PHLDB2: variants seen among roughly 807,000 people sequenced by gnomAD.
The protein encoded by PHLDB2 is pleckstrin homology-like domain family B member 2.
A neutral mutation model predicts 123.6 loss-of-function variants in PHLDB2; 71 were observed. That is an observed-to-expected ratio of 0.57 (90% confidence interval 0.47 to 0.70). The LOEUF (loss-of-function observed/expected upper bound fraction) is 0.70, where lower values mean the gene tolerates loss of function less well. Among genes scored for constraint, PHLDB2 ranks in the 30% least tolerant of loss-of-function variants. The pLI is 0.00. For missense variants in PHLDB2, 1,446 were observed against 1,519.5 expected, an observed-to-expected ratio of 0.95 and a Z score of 0.80; for synonymous variants, 547 against 541.6, an observed-to-expected ratio of 1.01 and a Z score of -0.14.
intron 2 of PHLDB2, among the ~76,000 whole-genome samples, chr3:111,903,135 C>A (rs551372173): frequency 6.6e-6 from 1 of 152,124 alleles, no homozygotes; most frequent in South Asian, 2.1e-4. Context: ...ATGAGTAAGG[C>A]AGGATATGAG....
At chr3:111,914,516 A>G (rs1447606694) in intron 3 of PHLDB2, 1 of 152,188 alleles carries the variant, frequency 6.6e-6, no homozygotes, top group Admixed American at 6.5e-5. Context: ...CCAAATTGAT[A>G]GAAGTTTAAT....
At chr3:111,864,533 T>A (rs1038237801) in intron 1 of PHLDB2, among the ~76,000 whole-genome samples, 1 of 152,218 alleles carries the variant, frequency 6.6e-6, no homozygotes, top group African/African-American at 2.4e-5. Context: ...GAAAAGGAGC[T>A]TTGTGCTGTA....
In PHLDB2 at chr3:111,919,079, A is replaced by C; in HGVS notation, c.1727A>C (p.Glu576Ala). The change falls in exon 4 of 18, where the codon GAG becomes GCG. Residue 576 changes from glutamate to alanine, a missense_variant. By Grantham distance (107) the Glu-to-Ala change is moderately radical. This residue lies in a region of PHLDB2 where 832 missense variants were observed against 831.9 expected (regional missense o/e 1.00). Transcript: ENST00000431670. ...SYLSILPKTP[E>A]GISEEQRSQE... is the part of the protein sequence containing the mutation. ...TGTGTTGATTAATCGCAGACCCCAGAGGGTATAAGTGAAGAACAGAGATCT... is the reference window on the plus strand; with the variant it reads ...TGTGTTGATTAATCGCAGACCCCAGCGGGTATAAGTGAAGAACAGAGATCT... 2 of 1,613,948 alleles carry C rather than the reference A, an allele frequency of 1.2e-6. No individual in the cohort carries two copies. Among genetic ancestry groups the C allele is most frequent in the Non-Finnish European group, 1.7e-6 (2 of 1,179,772 alleles).
At chr3:111,807,496 T>C (rs1400421811) in intron 1 of PHLDB2, among the ~76,000 whole-genome samples, 3 of 152,122 alleles carry the variant, frequency 2.0e-5, no homozygotes, top group East Asian at 3.9e-4. Context: ...GTTGGGAGGA[T>C]TGCTTGGGGC....
intron 1 of PHLDB2, among the ~76,000 whole-genome samples, chr3:111,834,157 ATTATATATG>A (rs1413357653): frequency 0.011 from 822 of 75,284 alleles, no homozygotes; most frequent in South Asian, 0.013. Context: ...AATTATATAT[ATTATATATG>A]TAATAGAATT....
chr3:111,734,982 G>A (rs1005274159), intron 1 of PHLDB2, among the ~76,000 whole-genome samples: 1 of 152,202 alleles, frequency 6.6e-6, no homozygotes, highest in Non-Finnish European at 1.5e-5. Flanking sequence ...AGTCATGGCA[G>A]TCACTGGAGT....
In PHLDB2 at chr3:111,805,003, CT is replaced by C. The variant is rs1463743519; in HGVS notation, c.-48-40816del. Among the ~76,000 whole-genome samples the C allele has an allele frequency of 9.1e-3, 1,378 of 152,212 alleles. 13 individuals carry two copies. The highest frequency in any genetic ancestry group is 0.032 in the African/African-American group (1,322 of 41,512). On this transcript the variant is annotated intron_variant, in intron 1 of 17. Transcript: ENST00000393923. ...GGGAGGATGTGGAGCAACCAGAAGTCTTATACACTGCTAGCAAGAATGTAGA... is the reference window on the plus strand; with the variant it reads ...GGGAGGATGTGGAGCAACCAGAAGTCTATACACTGCTAGCAAGAATGTAGA...
At position 111,966,926 on chromosome 3, in the gene PHLDB2, T is replaced by G. The variant is rs73232014; in HGVS notation, c.3168+223T>G. On this transcript the variant is annotated intron_variant, in intron 14 of 17. Coordinates refer to ENST00000431670, the MANE Select transcript of PHLDB2 (RefSeq NM_001134438.2). ...ATAACTTGAAATATATATATAGTAT[T>G]GACATAGACCGAAATGAACACTTTG... 0.11 allele frequency among the ~76,000 whole-genome samples: 16,341 copies of G among 151,946 alleles called. 1,079 individuals are homozygous for G. Among genetic ancestry groups the G allele is most frequent in the Non-Finnish European group, 0.15 (9,962 of 67,948 alleles).
chr3:111,799,947 T>G (rs141034492), intron 1 of PHLDB2, among the ~76,000 whole-genome samples: 35 of 152,170 alleles, frequency 2.3e-4, no homozygotes, highest in Admixed American at 1.3e-3. Context: ...AGAATCCTAT[T>G]TGTGCAATAA....
intron 12 of PHLDB2, among the ~76,000 whole-genome samples, chr3:111,954,329 G>A (rs755458424): frequency 6.6e-6 from 1 of 152,166 alleles, no homozygotes; most frequent in Non-Finnish European, 1.5e-5. Context: ...AGAGACCAGT[G>A]AGATCCAAGG....
chr3:111,732,603 A>T, exon 1 of PHLDB2: 9 of 1,532,780 alleles, frequency 5.9e-6, no homozygotes, highest in Non-Finnish European at 4.4e-6. Context: ...TCTTCCCAAC[A>T]TCCCACTCTC....
At chr3:111,969,061 T>C (rs1419352293) in intron 15 of PHLDB2, among the ~76,000 whole-genome samples, 1 of 152,214 alleles carries the variant, frequency 6.6e-6, no homozygotes, top group Non-Finnish European at 1.5e-5. Context: ...GACATCTAAA[T>C]ACATCCCTTT....
In PHLDB2 at chr3:111,778,645, G is replaced by A. The variant is rs955640035; in HGVS notation, c.-49+45942G>A. On this transcript the variant is annotated intron_variant, in intron 1 of 17. Coordinates refer to the PHLDB2 transcript ENST00000393923. ...TTTTAGTGAACTTGGAAGGCAACTC[G>A]TGCTCTCATGTAAAATGTGCTTCAA... Among the ~76,000 whole-genome samples, 12 of 152,010 alleles carry A rather than the reference G, an allele frequency of 7.9e-5. No homozygotes were observed. In the South Asian group the frequency reaches 8.3e-4, roughly 11 times the overall value.
At chr3:111,910,109 C>CA (rs2067798277) in intron 2 of PHLDB2, among the ~76,000 whole-genome samples, 1 of 152,100 alleles carries the variant, frequency 6.6e-6, no homozygotes. Flanking sequence ...GCTCAGAGGT[C>CA]AAAAAACATA....
At chr3:111,801,841 G>A (rs1005677194) in intron 1 of PHLDB2, among the ~76,000 whole-genome samples, 2 of 151,782 alleles carry the variant, frequency 1.3e-5, no homozygotes, top group Non-Finnish European at 2.9e-5. Context: ...ACTGGGAGGA[G>A]GGAAGAGTAA....
intron 12 of PHLDB2, among the ~76,000 whole-genome samples, chr3:111,961,581 G>C (rs893287065): frequency 1.3e-5 from 2 of 152,124 alleles, no homozygotes; most frequent in African/African-American, 2.4e-5. Flanking sequence ...GTGTAGTTTG[G>C]ATCTTAACAA....
At chr3:111,743,831 A>G (rs1295820409) in intron 1 of PHLDB2, among the ~76,000 whole-genome samples, 1 of 152,308 alleles carries the variant, frequency 6.6e-6, no homozygotes, top group Non-Finnish European at 1.5e-5. Context: ...GGCTAACAAG[A>G]TGGTTGAATT....
At chr3:111,815,520 G>T (rs1281880412) in intron 1 of PHLDB2, among the ~76,000 whole-genome samples, 1 of 152,150 alleles carries the variant, frequency 6.6e-6, no homozygotes, top group Non-Finnish European at 1.5e-5. Context: ...CTTTGTTTTA[G>T]CAAAGAGGCT....
chr3:111,932,919 C>T lies in PHLDB2; in HGVS notation c.2130+522C>T, dbSNP rs1171883313. 2.0e-5 allele frequency among the ~76,000 whole-genome samples: 3 copies of T among 152,352 alleles called. No individual in the cohort carries two copies. In the South Asian group the frequency reaches 6.2e-4, roughly 32 times the overall value. Reference sequence around the variant, plus strand: ...CAATCCCAACAATTAAACACCAAGACCCAAGATGCAGGGCATTACAAATGC... The same window carrying T: ...CAATCCCAACAATTAAACACCAAGATCCAAGATGCAGGGCATTACAAATGC... On this transcript the variant is annotated intron_variant, in intron 6 of 17. Coordinates refer to ENST00000431670, the MANE Select transcript of PHLDB2 (RefSeq NM_001134438.2).
Sources: gnomAD v4.1 joint callset for allele counts (sites outside exome capture counted in the v4.1 genomes callset) on GRCh38, gnomAD v4.1.1 for gene constraint, gnomAD v4.1.1 regional missense constraint, MANE v1.5 for transcripts, NCBI Gene and HGNC (gene_info 2026-07-23, HGNC 2026-07-21) for gene names.